The following VPS53 variants were observed in gnomAD, a reference collection of about 807,000 sequenced individuals.
The protein encoded by VPS53 is VPS53 subunit of GARP complex.
A neutral mutation model predicts 107.0 loss-of-function variants in VPS53; 70 were observed. That is an observed-to-expected ratio of 0.65 (90% CI 0.54 to 0.80). The LOEUF (loss-of-function observed/expected upper bound fraction) is 0.80, where lower values mean the gene tolerates loss of function less well. VPS53 is among the 30% of genes least tolerant of loss of function. VPS53 has a pLI of 0.00. For missense variants in VPS53, 917 were observed against 1,049.4 expected (o/e 0.87, Z 1.74); for synonymous variants, 409 against 393.3 (o/e 1.04, Z -0.47).
At chr17:575,055 G>A (rs1567640317) in intron 13 of VPS53, among the ~76,000 whole-genome samples, 1 of 152,218 alleles carries the variant, frequency 6.6e-6, no homozygotes, top group African/African-American at 2.4e-5. Context: ...GTGCCCACTG[G>A]GCAAGAGCAA....
At chr17:606,416 A>T (rs1013726412) in intron 11 of VPS53, among the ~76,000 whole-genome samples, 1 of 152,098 alleles carries the variant, frequency 6.6e-6, no homozygotes, top group Non-Finnish European at 1.5e-5. Flanking sequence ...CCTACCTCGT[A>T]TGGCTGCCAT....
At chr17:567,505 T>A in intron 13 of VPS53, among the ~76,000 whole-genome samples, 1 of 34,394 alleles carries the variant, frequency 2.9e-5, no homozygotes, top group East Asian at 4.2e-4. Flanking sequence ...ATCACATTTC[T>A]TTTTTTTTTT....
intron 13 of VPS53, among the ~76,000 whole-genome samples, chr17:563,265 C>A (rs1236982907): frequency 1.3e-5 from 2 of 151,508 alleles, no homozygotes; most frequent in Non-Finnish European, 2.9e-5. Context: ...TGCTTTATAC[C>A]CATCTCACTG....
At chr17:713,170 C>T (rs750813602) in intron 1 of VPS53, among the ~76,000 whole-genome samples, 1 of 151,726 alleles carries the variant, frequency 6.6e-6, no homozygotes, top group Admixed American at 6.6e-5. Flanking sequence ...CCACTGTACT[C>T]CAGCCTGGAC....
At chr17:555,488 C>G (rs542332792) in intron 15 of VPS53, among the ~76,000 whole-genome samples, 5 of 152,242 alleles carry the variant, frequency 3.3e-5, no homozygotes, top group Admixed American at 1.3e-4. Flanking sequence ...TGAGCCACCA[C>G]GCCCGGCCCT....
At chr17:685,491 G>C (rs762840732) in intron 4 of VPS53, among the ~76,000 whole-genome samples, 6 of 152,074 alleles carry the variant, frequency 3.9e-5, no homozygotes, top group Non-Finnish European at 8.8e-5. Context: ...CAACACTTTA[G>C]TATAAAATAG....
chr17:711,560 G>A (rs575594332), intron 1 of VPS53, among the ~76,000 whole-genome samples: 45 of 152,142 alleles, frequency 3.0e-4, no homozygotes, highest in African/African-American at 4.1e-4. Context: ...TCAATGATAC[G>A]TGCTCACCAG....
At chr17:545,362 C>T (rs574770905) in intron 17 of VPS53, among the ~76,000 whole-genome samples, 14 of 152,324 alleles carry the variant, frequency 9.2e-5, no homozygotes, top group Admixed American at 9.2e-4. Flanking sequence ...CACATCTCTT[C>T]AATCGGCTCC....
intron 7 of VPS53, among the ~76,000 whole-genome samples, chr17:651,922 A>G (rs1381975297): frequency 1.3e-5 from 2 of 152,016 alleles, no homozygotes; most frequent in African/African-American, 2.4e-5. Flanking sequence ...TGGGATTAAA[A>G]CTCAACAGCA....
At chr17:605,029 G>A (rs578040643) in intron 11 of VPS53, among the ~76,000 whole-genome samples, 5 of 152,298 alleles carry the variant, frequency 3.3e-5, no homozygotes, top group South Asian at 4.1e-4. Flanking sequence ...TCATGGAAAC[G>A]TGCAACAGAG....
intron 17 of VPS53, among the ~76,000 whole-genome samples, chr17:545,605 G>T (rs1203752972): frequency 6.6e-6 from 1 of 152,216 alleles, no homozygotes; most frequent in Non-Finnish European, 1.5e-5. Flanking sequence ...TTGGTCAAAA[G>T]TGTGTTTGTG....
chr17:649,594 T>G (rs1002611632), intron 7 of VPS53, among the ~76,000 whole-genome samples: 30 of 131,704 alleles, frequency 2.3e-4, no homozygotes, highest in African/African-American at 5.1e-4. Context: ...GCACTGAAGA[T>G]CTTACAGTGG....
At chr17:601,505 A>T (rs1968322378) in intron 12 of VPS53, among the ~76,000 whole-genome samples, 1 of 152,184 alleles carries the variant, frequency 6.6e-6, no homozygotes, top group African/African-American at 2.4e-5. Context: ...CAAGCTCAGG[A>T]GATGCTGAAT....
Position 657,495 on chromosome 17 carries a change from C to T in VPS53, c.373-1542G>A, listed in dbSNP as rs1971241317. 4 of 1,485,916 alleles carry T rather than the reference C, an allele frequency of 2.7e-6. No individual in the cohort carries two copies. In the East Asian group the frequency reaches 6.8e-5, roughly 25 times the overall value. 92.0% of individuals were successfully genotyped at this position (1,485,916 alleles called of 1,614,324 possible). A position where few individuals can be genotyped will look rare whatever the true frequency, so the allele number is the denominator to read the frequency against. On this transcript the variant is annotated intron_variant, in intron 5 of 21. Transcript: ENST00000437048. ...CACACCGGTCAATTTATCCAGCATC[C>T]AATGCTTTGGAGCTGCTACCCGCTT...
intron 15 of VPS53, 147 bp from the exon 16 acceptor site, chr17:553,609 T>G (rs988973374): frequency 1.5e-6 from 1 of 673,426 alleles, no homozygotes; most frequent in African/African-American, 1.8e-5. Context: ...TCGCTCTTGT[T>G]GCCTAGGCTG....
At chr17:649,018 A>G (rs2657631) in intron 7 of VPS53, among the ~76,000 whole-genome samples, 6,506 of 7,012 alleles carry the variant, frequency 0.93, 3,106 homozygotes, top group Middle Eastern at 1. Flanking sequence ...AGGCAATGAA[A>G]ATCTTACACT....
At chr17:556,967 T>C (rs1442860470) in intron 15 of VPS53, among the ~76,000 whole-genome samples, 3 of 127,984 alleles carry the variant, frequency 2.3e-5, no homozygotes, top group South Asian at 5.2e-4. Context: ...AGCGGGGACC[T>C]GAGGCTTGGG....
At chr17:674,058 C>A (rs191577370) in intron 4 of VPS53, 4 of 152,300 alleles carry the variant, frequency 2.6e-5, no homozygotes, top group Non-Finnish European at 4.4e-5. Context: ...GTGACGGATG[C>A]GTTCATGCAG....
intron 10 of VPS53, among the ~76,000 whole-genome samples, chr17:624,287 T>C (rs533586347): frequency 6.6e-6 from 1 of 152,190 alleles, no homozygotes; most frequent in Non-Finnish European, 1.5e-5. Flanking sequence ...TACTGAATTA[T>C]AAAGCCCTCC....
Sources: allele counts gnomAD v4.1 joint callset (sites outside exome capture counted in the v4.1 genomes callset), GRCh38; gene constraint gnomAD v4.1.1; transcripts MANE v1.5; gene names NCBI Gene and HGNC (gene_info 2026-07-23, HGNC 2026-07-21).